ETV1: variants seen among roughly 807,000 people sequenced by gnomAD.
ETV1 encodes ETS variant transcription factor 1.
Under a neutral mutation model 62.3 loss-of-function variants are expected in ETV1, and 27 were observed. That is an observed-to-expected ratio of 0.43 (90% confidence interval 0.32 to 0.60). The LOEUF is 0.60. Among genes scored for constraint, ETV1 ranks in the 20% least tolerant of loss-of-function variants. The pLI, the probability that ETV1 is intolerant of heterozygous loss-of-function variation, is 0.06. For missense variants in ETV1, 605 were observed against 605.8 expected (o/e 1.00, Z 0.01); for synonymous variants, 222 against 199.6 (o/e 1.11, Z -0.94).
intron 6 of ETV1, among the ~76,000 whole-genome samples, chr7:13,966,388 A>G (rs966182603): frequency 6.6e-6 from 1 of 152,116 alleles, no homozygotes; most frequent in African/African-American, 2.4e-5. Flanking sequence ...ATCCCAGCAC[A>G]GTAGGGGGCC....
intron 7 of ETV1, 61 bp downstream of exon 7, chr7:13,939,056 T>C (rs1364401941): frequency 1.1e-5 from 16 of 1,518,118 alleles, no homozygotes; most frequent in Non-Finnish European, 1.4e-5. Flanking sequence ...TTTCATATTA[T>C]TCTGGACTTT....
rs758057612 is a variant in ETV1, at chr7:13,900,830, G to A, written c.1120C>T (p.Arg374Cys). Residue 374 changes from arginine to cysteine, a missense_variant, in exon 13 of 14, where the codon CGT becomes TGT. By Grantham distance (180) the Arg-to-Cys change is radical. Coordinates refer to ENST00000430479, the MANE Select transcript of ETV1 (RefSeq NM_004956.5). ...KLIEPEEVAR[R>C]WGIQKNRPAM... The stretch of plus-strand genomic sequence containing the variant: ...GGCCTGTTTTTCTGAATGCCCCAAC[G>A]TCGGGCCACCTGCCGCGAAACAGAA... 3 of 1,605,756 alleles carry A rather than the reference G, an allele frequency of 1.9e-6. No individual in the cohort carries two copies. Among genetic ancestry groups the A allele is most frequent in the Non-Finnish European group, 1.7e-6 (2 of 1,175,748 alleles).
rs181482109 is a variant in ETV1 at position 13,953,197 on chromosome 7, C to A, written c.236-13951G>T. ...CCAACTGGCAGGAATAAAACCTGAA[C>A]AAGCTGGAGCTATTTGAGAAACAGA... On this transcript the variant is annotated intron_variant, in intron 6 of 13. Transcript: ENST00000430479. Among the ~76,000 whole-genome samples, 377 of 152,262 alleles carry A rather than the reference C, an allele frequency of 2.5e-3. 1 individual carries two copies. The highest frequency in any genetic ancestry group is 3.5e-3 in the Non-Finnish European group (240 of 68,024).
chr7:13,978,839 A>T (rs1781705284), intron 5 of ETV1, among the ~76,000 whole-genome samples: 1 of 152,110 alleles, frequency 6.6e-6, no homozygotes, highest in African/African-American at 2.4e-5. Flanking sequence ...GAAGAGCATA[A>T]GAATCTGATA....
chr7:13,942,435 A>G (rs75346686), intron 6 of ETV1, among the ~76,000 whole-genome samples: 46,058 of 151,732 alleles, frequency 0.3, 7,396 homozygotes, highest in East Asian at 0.43. Context: ...AGGTTCAGGG[A>G]TACATGTGCA....
intron 9 of ETV1, among the ~76,000 whole-genome samples, chr7:13,912,664 G>C (rs760953652): frequency 4.6e-5 from 7 of 152,106 alleles, no homozygotes; most frequent in Admixed American, 2.6e-4. Flanking sequence ...TTATACTCTA[G>C]TGTAAATAAA....
chr7:13,927,719 C>A (rs997925406), intron 9 of ETV1, among the ~76,000 whole-genome samples: 1 of 152,140 alleles, frequency 6.6e-6, no homozygotes, highest in Non-Finnish European at 1.5e-5. Context: ...AACTTAACTG[C>A]AGCAATTTCA....
intron 3 of ETV1, chr7:13,988,647 A>G (rs1444302083): frequency 1.4e-6 from 2 of 1,481,316 alleles, no homozygotes; most frequent in Non-Finnish European, 1.8e-6. Flanking sequence ...AAAACACCCC[A>G]TATAAACAAA....
intron 6 of ETV1, among the ~76,000 whole-genome samples, chr7:13,967,723 A>C (rs1270785481): frequency 6.6e-6 from 1 of 152,026 alleles, no homozygotes; most frequent in Non-Finnish European, 1.5e-5. Context: ...TACCAATAAA[A>C]ACCCATAACA....
chr7:13,965,938 T>A (rs1268795293), intron 6 of ETV1, among the ~76,000 whole-genome samples: 1 of 152,196 alleles, frequency 6.6e-6, no homozygotes, highest in Non-Finnish European at 1.5e-5. Context: ...TTCAATTCAG[T>A]ATTCAATGAA....
At chr7:13,959,314 T>C (rs906562376) in intron 6 of ETV1, among the ~76,000 whole-genome samples, 5 of 152,176 alleles carry the variant, frequency 3.3e-5, no homozygotes, top group South Asian at 2.1e-4. Flanking sequence ...TGAGCCTAAC[T>C]AGTAGGACTC....
At chr7:13,913,919 C>T (rs1426134090) in intron 9 of ETV1, among the ~76,000 whole-genome samples, 3 of 118,872 alleles carry the variant, frequency 2.5e-5, no homozygotes, top group Middle Eastern at 8.9e-3. Context: ...GAGTCTCGCT[C>T]TGTCGCCCAG....
intron 6 of ETV1, among the ~76,000 whole-genome samples, chr7:13,950,316 C>T (rs1217790486): frequency 1.3e-5 from 2 of 151,936 alleles, no homozygotes; most frequent in East Asian, 1.9e-4. Flanking sequence ...TGCTGAGTCT[C>T]GAAACTCATT....
intron 7 of ETV1, among the ~76,000 whole-genome samples, chr7:13,937,968 G>C (rs1331067344): frequency 6.6e-6 from 1 of 152,104 alleles, no homozygotes; most frequent in Non-Finnish European, 1.5e-5. Flanking sequence ...TTTTTGAGAT[G>C]GAGTCTCGCT....
chr7:13,956,286 T>C (rs764028845), intron 6 of ETV1, among the ~76,000 whole-genome samples: 7 of 152,058 alleles, frequency 4.6e-5, no homozygotes, highest in Non-Finnish European at 7.4e-5. Context: ...CTTTATAGAG[T>C]TGTTGATACA....
chr7:13,958,189 T>C (rs1341375602), intron 6 of ETV1, among the ~76,000 whole-genome samples: 3 of 152,206 alleles, frequency 2.0e-5, no homozygotes, highest in Non-Finnish European at 4.4e-5. Context: ...TAAAATCCAT[T>C]TACAAAAATA....
chr7:13,922,149 A>G (rs189353930), intron 9 of ETV1, among the ~76,000 whole-genome samples: 1 of 152,244 alleles, frequency 6.6e-6, no homozygotes, highest in Non-Finnish European at 1.5e-5. Flanking sequence ...CTATATTGAA[A>G]TAATTTGTTT....
At chr7:13,949,471 C>T (rs1262897024) in intron 6 of ETV1, among the ~76,000 whole-genome samples, 1 of 152,130 alleles carries the variant, frequency 6.6e-6, no homozygotes, top group Non-Finnish European at 1.5e-5. Flanking sequence ...TCTTCTAAGA[C>T]ACACAGAAGC....
intron 6 of ETV1, among the ~76,000 whole-genome samples, chr7:13,950,447 C>T (rs977544381): frequency 1.3e-5 from 2 of 152,024 alleles, no homozygotes; most frequent in Non-Finnish European, 2.9e-5. Flanking sequence ...CCTGAGTAGT[C>T]TTGCCAGGGT....
Sources: gnomAD v4.1 joint callset for allele counts (sites outside exome capture counted in the v4.1 genomes callset) on GRCh38, gnomAD v4.1.1 for gene constraint, MANE v1.5 for transcripts, NCBI Gene and HGNC (gene_info 2026-07-23, HGNC 2026-07-21) for gene names.